The following CDC14A variants were observed in gnomAD, a reference collection of about 807,000 sequenced individuals.
CDC14A encodes dual specificity protein phosphatase CDC14A.
In CDC14A, 53 loss-of-function variants were observed where a neutral mutation model predicts 74.4. That is an observed-to-expected ratio of 0.71 (90% CI 0.57 to 0.89). The LOEUF (loss-of-function observed/expected upper bound fraction) is 0.89. Ranked by LOEUF, CDC14A falls within the 40% of genes least tolerant of loss-of-function variation. The pLI is 0.00. For missense variants in CDC14A, 646 were observed against 713.7 expected (o/e 0.91, Z 1.08); for synonymous variants, 247 against 258.4 (o/e 0.96, Z 0.43).
At chr1:100,494,961 G>A in intron 12 of CDC14A, 31 bp downstream of exon 12, 1 of 1,129,070 alleles carries the variant, frequency 8.9e-7, no homozygotes, top group South Asian at 1.3e-5. Flanking sequence ...TCAATTTATA[G>A]TGTGCTTCCC....
chr1:100,424,784 C>A (rs890002360), intron 5 of CDC14A, among the ~76,000 whole-genome samples: 1 of 152,158 alleles, frequency 6.6e-6, no homozygotes, highest in African/African-American at 2.4e-5. Context: ...GACTGGCATC[C>A]CCAGGAAGCC....
Position 100,385,151 on chromosome 1 carries a change from A to G in CDC14A, c.217-5581A>G, listed in dbSNP as rs537349253. ...TTTAAGAGAATGTAGAGTTCTTTCGAGACTACTTGACCAGATGGACAGTGT... is the reference window on the plus strand; with the variant it reads ...TTTAAGAGAATGTAGAGTTCTTTCGGGACTACTTGACCAGATGGACAGTGT... On this transcript the variant is annotated intron_variant, in intron 3 of 15. Coordinates refer to ENST00000336454, the MANE Select transcript of CDC14A (RefSeq NM_003672.4). 3.8e-4 allele frequency among the ~76,000 whole-genome samples: 58 copies of G among 152,340 alleles called. No individual in the cohort carries two copies. The South Asian group carries it at 0.011, about 29-fold the overall frequency.
At chr1:100,360,549 T>C (rs111887570) in intron 2 of CDC14A, among the ~76,000 whole-genome samples, 20,293 of 151,664 alleles carry the variant, frequency 0.13, 1,635 homozygotes, top group Non-Finnish European at 0.17. Flanking sequence ...TTCACCATGT[T>C]GACCAGGCTG....
intron 4 of CDC14A, among the ~76,000 whole-genome samples, chr1:100,401,190 CT>C (rs575680738): frequency 2.5e-3 from 379 of 152,106 alleles, no homozygotes; most frequent in Non-Finnish European, 4.2e-3. Flanking sequence ...AGGGGATGTA[CT>C]TTTTTTTAGC....
In CDC14A at chr1:100,352,734, C is replaced by A; in HGVS notation, c.-221C>A. 1 of 1,392,618 alleles carries A rather than the reference C, an allele frequency of 7.2e-7. No homozygotes were observed. Among genetic ancestry groups the A allele is most frequent in the Non-Finnish European group, 9.3e-7 (1 of 1,077,740 alleles). The allele number at this position is 1,392,618 out of a possible 1,614,324, so 86.3% of individuals were successfully genotyped here. ...GCGGCCACAGCCAGGGGCGTGAGCG[C>A]CCCGCGCGGAGCGAGCTCGGGTTCC... On this transcript the variant is annotated 5_prime_UTR_variant, in exon 1 of 16. Coordinates refer to ENST00000336454, the MANE Select transcript of CDC14A (RefSeq NM_003672.4).
intron 9 of CDC14A, 124 bp from the exon 10 acceptor site, chr1:100,467,832 T>A: frequency 1.1e-6 from 1 of 899,182 alleles, no homozygotes; most frequent in Non-Finnish European, 1.6e-6. Context: ...GTTATGTTTA[T>A]TAGCTGTTGA....
intron 5 of CDC14A, among the ~76,000 whole-genome samples, chr1:100,437,432 G>A (rs1011994280): frequency 3.3e-5 from 5 of 152,154 alleles, no homozygotes; most frequent in Admixed American, 1.3e-4. Flanking sequence ...GATTAAATGC[G>A]CTATGCATAT....
At chr1:100,357,408 T>C (rs1011493472) in intron 2 of CDC14A, among the ~76,000 whole-genome samples, 7 of 152,010 alleles carry the variant, frequency 4.6e-5, no homozygotes, top group Non-Finnish European at 1.0e-4. Flanking sequence ...AGCTCCACTT[T>C]GGGGAAGTAT....
At chr1:100,469,083 T>A (rs1209245664) in intron 10 of CDC14A, among the ~76,000 whole-genome samples, 3 of 152,112 alleles carry the variant, frequency 2.0e-5, no homozygotes, top group African/African-American at 7.2e-5. Flanking sequence ...TGAATAGCAT[T>A]CTTTTCCATA....
intron 3 of CDC14A, among the ~76,000 whole-genome samples, chr1:100,377,996 A>C (rs992676223): frequency 6.7e-6 from 1 of 148,870 alleles, no homozygotes. Flanking sequence ...AGGGCTTATC[A>C]TGGCTGGAGC....
At chr1:100,484,710 G>GA in intron 11 of CDC14A, 1 of 1,069,506 alleles carries the variant, frequency 9.4e-7, no homozygotes, top group South Asian at 4.6e-5. Flanking sequence ...AAAGGAAACA[G>GA]AAAAGCAAAC....
At chr1:100,491,647 C>T (rs1670711622) in intron 11 of CDC14A, among the ~76,000 whole-genome samples, 1 of 137,306 alleles carries the variant, frequency 7.3e-6, no homozygotes, top group African/African-American at 2.8e-5. Flanking sequence ...TCTAGGCTCA[C>T]TGCAACCTCT....
rs1291840082 is a variant in CDC14A, at chr1:100,377,569, T to C, written c.164T>C (p.Leu55Pro). 6 of 1,613,582 alleles carry C rather than the reference T, an allele frequency of 3.7e-6. No individual in the cohort carries two copies. Among genetic ancestry groups the C allele is most frequent in the African/African-American group, 1.3e-5 (1 of 74,942 alleles). ...YENFYADFGP[L>P]NLAMVYRYCC... ...AGTTTCTATGCAGATTTTGGACCGC[T>C]GAACTTGGCAATGGTGTACAGATAT... is the stretch of plus-strand genomic sequence containing the variant. Residue 55 changes from leucine (L) to proline (P), a missense_variant, in exon 3 of 16, where the codon CTG (leucine) becomes CCG (proline). Coordinates refer to ENST00000336454, the MANE Select transcript of CDC14A (RefSeq NM_003672.4).
chr1:100,482,992 A>G (rs1669647708), intron 10 of CDC14A, among the ~76,000 whole-genome samples: 1 of 152,120 alleles, frequency 6.6e-6, no homozygotes, highest in Admixed American at 6.5e-5. Flanking sequence ...CCAATCTATC[A>G]TTGATGACAT....
At chr1:100,419,391 A>G (rs1437339171) in intron 4 of CDC14A, among the ~76,000 whole-genome samples, 3 of 152,196 alleles carry the variant, frequency 2.0e-5, no homozygotes, top group African/African-American at 4.8e-5. Context: ...GTTTCAAGCC[A>G]AGTGAGTGCT....
chr1:100,470,027 C>T (rs192946570), intron 10 of CDC14A, among the ~76,000 whole-genome samples: 24 of 152,110 alleles, frequency 1.6e-4, no homozygotes, highest in Admixed American at 1.6e-3. Flanking sequence ...ACAGAAAGTC[C>T]TCCAAAATGA....
At chr1:100,517,208 T>C (rs1650304687) in intron 15 of CDC14A, among the ~76,000 whole-genome samples, 1 of 152,250 alleles carries the variant, frequency 6.6e-6, no homozygotes, top group Non-Finnish European at 1.5e-5. Context: ...AAAGATAGCT[T>C]GAATCCTTTT....
At chr1:100,361,445 G>A (rs1411814184) in intron 2 of CDC14A, among the ~76,000 whole-genome samples, 1 of 152,194 alleles carries the variant, frequency 6.6e-6, no homozygotes. Flanking sequence ...TTTTTGAAGG[G>A]TGTATAATAG....
chr1:100,511,824 C>A (rs2101478264), intron 15 of CDC14A, among the ~76,000 whole-genome samples: 1 of 152,300 alleles, frequency 6.6e-6, no homozygotes, highest in Middle Eastern at 3.4e-3. Context: ...TACCTTTAAT[C>A]TTTCCTCTAT....
Sources: gnomAD v4.1 joint callset for allele counts (sites outside exome capture counted in the v4.1 genomes callset) on GRCh38, gnomAD v4.1.1 for gene constraint, MANE v1.5 for transcripts, NCBI Gene and HGNC (gene_info 2026-07-23, HGNC 2026-07-21) for gene names.